The following DDR2 variants were observed in gnomAD, a reference collection of about 807,000 sequenced individuals.
The protein encoded by DDR2 is discoidin domain receptor tyrosine kinase 2, also known as discoidin domain-containing receptor 2.
In DDR2, 27 loss-of-function variants were observed where a neutral mutation model predicts 94.9. The ratio of observed to expected loss-of-function variants is 0.28; its 90% CI spans 0.21 to 0.39. The LOEUF (loss-of-function observed/expected upper bound fraction) is 0.39. Among genes scored for constraint, DDR2 ranks in the 10% least tolerant of loss-of-function variants. The pLI is 1.00. For missense variants in DDR2, 783 were observed against 1,076.0 expected, an observed-to-expected ratio of 0.73 and a Z score of 3.81; for synonymous variants, 382 against 377.2, an observed-to-expected ratio of 1.01 and a Z score of -0.15.
upstream of DDR2, among the ~76,000 whole-genome samples, chr1:162,631,831 G>A (rs1459860438): frequency 6.6e-6 from 1 of 152,024 alleles, no homozygotes; most frequent in Non-Finnish European, 1.5e-5. Context: ...ATCCAGGACA[G>A]CAACAGACCC....
chr1:162,696,076 A>C (rs1029289819), intron 2 of DDR2, among the ~76,000 whole-genome samples: 1 of 152,200 alleles, frequency 6.6e-6, no homozygotes, highest in Non-Finnish European at 1.5e-5. Flanking sequence ...TATCCATGAC[A>C]TAACCCACTC....
intron 1 of DDR2, among the ~76,000 whole-genome samples, chr1:162,632,965 C>A (rs778003254): frequency 6.6e-6 from 1 of 152,170 alleles, no homozygotes; most frequent in South Asian, 2.1e-4. Context: ...AGGCCGATTG[C>A]AGAGTTAGTT....
In DDR2 at chr1:162,719,050, C is replaced by T. The variant is rs1661293777; in HGVS notation, c.-14C>T. ...GGTTGGTGGCAGACTCCAGTTCCAA[C>T]ACCATCTTCTGAGATGATCCTGATT... On this transcript the variant is annotated 5_prime_UTR_variant, in exon 3 of 18. Transcript: ENST00000367921. The T allele has an allele frequency of 1.2e-6, 2 of 1,613,820 alleles. No individual in the cohort carries two copies. The highest frequency in any genetic ancestry group is 1.7e-6 in the Non-Finnish European group (2 of 1,179,728).
intron 2 of DDR2, among the ~76,000 whole-genome samples, chr1:162,671,233 C>T (rs1251471892): frequency 6.6e-6 from 1 of 152,060 alleles, no homozygotes; most frequent in Non-Finnish European, 1.5e-5. Context: ...GAATGAGTTC[C>T]TACTGCCAAC....
chr1:162,640,635 A>G (rs1166128935), intron 1 of DDR2, among the ~76,000 whole-genome samples: 1 of 152,198 alleles, frequency 6.6e-6, no homozygotes, highest in African/African-American at 2.4e-5. Flanking sequence ...TATAGTTATA[A>G]TCATGAGCAT....
Position 162,748,249 on chromosome 1 carries a change from G to A in DDR2, c.83-4846G>A, listed in dbSNP as rs535568623. Among the ~76,000 whole-genome samples the A allele has an allele frequency of 1.6e-3, 241 of 152,274 alleles. 1 individual carries two copies. The highest frequency in any genetic ancestry group is 5.5e-3 in the African/African-American group (230 of 41,538). On this transcript the variant is annotated intron_variant, in intron 3 of 17. Transcript: ENST00000367921. ...AGACCCATCAGTGTGCTGTATTCAGGAGACCCATCTCATGTGCAGAGACAC... is the reference window on the plus strand; with the variant it reads ...AGACCCATCAGTGTGCTGTATTCAGAAGACCCATCTCATGTGCAGAGACAC...
chr1:162,744,275 C>T (rs541124805), intron 3 of DDR2, among the ~76,000 whole-genome samples: 14 of 152,260 alleles, frequency 9.2e-5, no homozygotes, highest in African/African-American at 2.2e-4. Flanking sequence ...CTTGTATAAC[C>T]GAACTTTATA....
chr1:162,637,852 C>G (rs1165153297), intron 1 of DDR2, among the ~76,000 whole-genome samples: 7 of 151,992 alleles, frequency 4.6e-5, no homozygotes, highest in Admixed American at 4.6e-4. Flanking sequence ...TCCTTAGGAA[C>G]TTAGGAAACA....
chr1:162,671,255 T>A lies in DDR2; in HGVS notation c.-28+15881T>A, dbSNP rs537250286. On this transcript the variant is annotated intron_variant, in intron 2 of 17. Transcript: ENST00000367921. ...TTCCTACTGCCAACTTCTCATCAGC[T>A]CAGTTCCTACAGTCCTCTACTTACT... is the stretch of plus-strand genomic sequence containing the variant. Among the ~76,000 whole-genome samples, 7 of 152,240 alleles carry A rather than the reference T, an allele frequency of 4.6e-5. No homozygotes were observed. In the South Asian group the frequency reaches 1.5e-3, roughly 32 times the overall value.
chr1:162,765,367 A>G (rs1663939010), intron 9 of DDR2, among the ~76,000 whole-genome samples: 1 of 152,214 alleles, frequency 6.6e-6, no homozygotes, highest in Non-Finnish European at 1.5e-5. Flanking sequence ...TCTCTTAGAA[A>G]GGAAATACAT....
intron 3 of DDR2, among the ~76,000 whole-genome samples, chr1:162,727,290 A>ATT (rs1661728741): frequency 2.1e-5 from 3 of 139,894 alleles, no homozygotes; most frequent in Non-Finnish European, 3.0e-5. Context: ...AAATATATAT[A>ATT]TAAAATATGT....
At chr1:162,716,166 T>G (rs6702381) in intron 2 of DDR2, among the ~76,000 whole-genome samples, 148,595 of 152,246 alleles carry the variant, frequency 0.98, 72,618 homozygotes, top group East Asian at 1. Context: ...AAGGAAATGA[T>G]GTGTGGGAGA....
intron 2 of DDR2, among the ~76,000 whole-genome samples, chr1:162,709,793 G>T (rs1360252722): frequency 6.6e-6 from 1 of 152,232 alleles, no homozygotes; most frequent in Non-Finnish European, 1.5e-5. Context: ...GAGAGTAAAA[G>T]ATCCAAATGA....
At chr1:162,646,582 C>T (rs946660301) in intron 1 of DDR2, among the ~76,000 whole-genome samples, 3 of 152,174 alleles carry the variant, frequency 2.0e-5, no homozygotes, top group Admixed American at 6.5e-5. Flanking sequence ...CTCATTGCAA[C>T]GCCCAAGCCT....
At chr1:162,669,208 T>A (rs1202326030) in intron 2 of DDR2, among the ~76,000 whole-genome samples, 1 of 152,234 alleles carries the variant, frequency 6.6e-6, no homozygotes, top group African/African-American at 2.4e-5. Context: ...TTCTTCTCAA[T>A]GTAAGCAACT....
intron 2 of DDR2, among the ~76,000 whole-genome samples, chr1:162,656,847 T>A (rs1032055677): frequency 1.8e-4 from 22 of 123,712 alleles, no homozygotes; most frequent in African/African-American, 4.3e-4. Context: ...TTTTTTTTTT[T>A]TTATTTTTTT....
chr1:162,746,182 C>T (rs894375748), intron 3 of DDR2, among the ~76,000 whole-genome samples: 2 of 152,164 alleles, frequency 1.3e-5, no homozygotes, highest in African/African-American at 4.8e-5. Context: ...TCGCCTCACC[C>T]AGGAAGTGCA....
intron 3 of DDR2, among the ~76,000 whole-genome samples, chr1:162,749,480 C>T (rs1038005121): frequency 1.3e-5 from 2 of 152,154 alleles, no homozygotes; most frequent in African/African-American, 4.8e-5. Flanking sequence ...CCTGAATAGA[C>T]CAATAACAGG....
chr1:162,631,182 T>TTGTGTGTG (rs58010976), upstream of DDR2, among the ~76,000 whole-genome samples: 3 of 140,286 alleles, frequency 2.1e-5, no homozygotes, highest in African/African-American at 8.0e-5. Flanking sequence ...GCCACCCTCA[T>TTGTGTGTG]TGTGTGTGTG....
Sources: gnomAD v4.1 joint callset for allele counts (sites outside exome capture counted in the v4.1 genomes callset) on GRCh38, gnomAD v4.1.1 for gene constraint, MANE v1.5 for transcripts, NCBI Gene and HGNC (gene_info 2026-07-23, HGNC 2026-07-21) for gene names.